FAR2: variants seen among roughly 807,000 people sequenced by gnomAD.
FAR2 encodes fatty acyl-CoA reductase 2, also known as epididymis secretory protein Li 81.
FAR2 carries 19 observed loss-of-function variants against 56.0 expected under a neutral mutation model. The ratio of observed to expected loss-of-function variants is 0.34; its 90% confidence interval spans 0.24 to 0.50. FAR2 has a LOEUF of 0.50. Among genes scored for constraint, FAR2 ranks in the 20% least tolerant of loss-of-function variants. FAR2 has a pLI of 0.98. For missense variants in FAR2, 508 were observed against 642.2 expected, an observed-to-expected ratio of 0.79 and a Z score of 2.26; for synonymous variants, 219 against 218.8, an observed-to-expected ratio of 1.00 and a Z score of -0.01.
chr12:29,157,119 T>G (rs1408401564), intron 1 of FAR2: 6 of 132,946 alleles, frequency 4.5e-5, no homozygotes, highest in Non-Finnish European at 9.5e-5. Context: ...TATATATATA[T>G]ATATATATAT....
chr12:29,155,636 T>G (rs1455462547), intron 1 of FAR2, among the ~76,000 whole-genome samples: 1 of 152,234 alleles, frequency 6.6e-6, no homozygotes, highest in East Asian at 1.9e-4. Flanking sequence ...TGGGAAAAAT[T>G]ATAGGAAATT....
At chr12:29,196,430 C>A (rs1453396489) in intron 1 of FAR2, among the ~76,000 whole-genome samples, 3 of 152,132 alleles carry the variant, frequency 2.0e-5, no homozygotes, top group Admixed American at 6.5e-5. Flanking sequence ...TTGCATTTCT[C>A]TGATAAGTAG....
chr12:29,174,423 CTTTTTTTTTT>C (rs55827253), intron 1 of FAR2, among the ~76,000 whole-genome samples: 2 of 55,434 alleles, frequency 3.6e-5, no homozygotes, highest in Non-Finnish European at 5.9e-5. Context: ...GGTTTTTATT[CTTTTTTTTTT>C]TTTTTTTTTT....
At chr12:29,277,820 C>T (rs1948724214) in intron 2 of FAR2, 1 of 151,960 alleles carries the variant, frequency 6.6e-6, no homozygotes, top group African/African-American at 2.4e-5. Context: ...CATGCCTTTG[C>T]TGCAAAATGA....
chr12:29,251,082 A>G (rs1439722133), intron 1 of FAR2, among the ~76,000 whole-genome samples: 1 of 152,224 alleles, frequency 6.6e-6, no homozygotes, highest in African/African-American at 2.4e-5. Flanking sequence ...CTAGTTGATT[A>G]GGATGTTCCT....
At chr12:29,326,009 A>ATT (rs1949638462) in intron 10 of FAR2, among the ~76,000 whole-genome samples, 1 of 152,150 alleles carries the variant, frequency 6.6e-6, no homozygotes, top group Non-Finnish European at 1.5e-5. Context: ...TGCTAGCAAG[A>ATT]CTAATAAAGA....
In FAR2 at chr12:29,218,176, A is replaced by G. The variant is rs553460556; in HGVS notation, c.-38-52236A>G. ...TCCAGACCATCCTGGCTAACACGGT[A>G]AAACCTTGTCTCTACTAAAAAATAC... On this transcript the variant is annotated intron_variant, in intron 1 of 11. Transcript: ENST00000536681. Among the ~76,000 whole-genome samples, 3 of 152,120 alleles carry G rather than the reference A, an allele frequency of 2.0e-5. No individual in the cohort carries two copies. In the East Asian group the frequency reaches 5.8e-4, roughly 29 times the overall value.
intron 4 of FAR2, 47 bp downstream of exon 4, chr12:29,297,247 C>T: frequency 6.7e-7 from 1 of 1,494,498 alleles, no homozygotes. Context: ...GAATAAGTTC[C>T]TTTGTTCTCT....
At position 29,318,991 on chromosome 12, in the gene FAR2, CTTTTTT is replaced by C. The variant is rs1447341541; in HGVS notation, c.1127+1980_1127+1985del. ...ACAAAAGTCTTTTTTTTTTCTTTTT[CTTTTTT>C]CTTTTTTTTTTGAGATGGAGTCTTG... On this transcript the variant is annotated intron_variant, in intron 9 of 11. Coordinates refer to ENST00000536681, the MANE Select transcript of FAR2 (RefSeq NM_001271783.2). Among the ~76,000 whole-genome samples, 14 of 150,470 alleles carry C rather than the reference CTTTTTT, an allele frequency of 9.3e-5. No individual in the cohort carries two copies. In the East Asian group the frequency reaches 2.7e-3, roughly 30 times the overall value.
intron 10 of FAR2, among the ~76,000 whole-genome samples, chr12:29,328,243 A>G (rs1179955493): frequency 6.6e-6 from 1 of 152,186 alleles, no homozygotes; most frequent in Non-Finnish European, 1.5e-5. Flanking sequence ...ATCATTAAAA[A>G]GTCAGGAAAC....
intron 8 of FAR2, among the ~76,000 whole-genome samples, chr12:29,313,184 C>T (rs1467305235): frequency 6.6e-6 from 1 of 152,164 alleles, no homozygotes; most frequent in Non-Finnish European, 1.5e-5. Context: ...GTTGAACATA[C>T]ATAGCCTCAG....
intron 11 of FAR2, chr12:29,333,309 CT>C (rs1247997977): frequency 3.7e-6 from 1 of 267,444 alleles, no homozygotes; most frequent in East Asian, 8.9e-5. Context: ...AATTTACCTT[CT>C]AATGAACAAG....
rs1415574331 is a variant in FAR2, at chr12:29,335,537, T to C, written c.*1743T>C. 2 of 152,226 alleles carry C rather than the reference T, an allele frequency of 1.3e-5. No individual in the cohort carries two copies. Among genetic ancestry groups the C allele is most frequent in the Non-Finnish European group, 2.9e-5 (2 of 68,040 alleles). The allele number at this position is 152,226 out of a possible 1,614,324, so 9.4% of individuals were successfully genotyped here. A position where few individuals can be genotyped will look rare whatever the true frequency, so the allele number is the denominator to read the frequency against. The stretch of plus-strand genomic sequence containing the variant: ...TTCTAAGAATTCACTTTTGATTGTA[T>C]GTTTTACCAATTCAATAATTCCACT... On this transcript the variant is annotated 3_prime_UTR_variant, in exon 12 of 12. Transcript: ENST00000536681.
At chr12:29,242,068 G>A (rs530817228) in intron 1 of FAR2, among the ~76,000 whole-genome samples, 10 of 152,290 alleles carry the variant, frequency 6.6e-5, no homozygotes, top group South Asian at 4.1e-4. Context: ...GCAAACATCC[G>A]TGTTAATGCT....
chr12:29,215,138 G>A (rs1257113846), intron 1 of FAR2, among the ~76,000 whole-genome samples: 2 of 152,152 alleles, frequency 1.3e-5, no homozygotes, highest in Admixed American at 6.5e-5. Context: ...GAGAGAAATG[G>A]ATATGTAATG....
At chr12:29,266,168 G>A (rs971478627) in intron 1 of FAR2, among the ~76,000 whole-genome samples, 4 of 152,058 alleles carry the variant, frequency 2.6e-5, no homozygotes, top group African/African-American at 4.8e-5. Context: ...TATATACCCC[G>A]ATGAAAGGAA....
intron 2 of FAR2, among the ~76,000 whole-genome samples, chr12:29,276,450 T>C (rs1221327730): frequency 6.6e-6 from 1 of 152,236 alleles, no homozygotes; most frequent in Non-Finnish European, 1.5e-5. Context: ...TTCTATCACC[T>C]GATTATTAAT....
intron 1 of FAR2, among the ~76,000 whole-genome samples, chr12:29,214,735 G>A (rs1947599674): frequency 6.6e-6 from 1 of 151,850 alleles, no homozygotes; most frequent in African/African-American, 2.4e-5. Context: ...GCAGGAGAAT[G>A]GCTTGAACCA....
At chr12:29,307,483 A>C (rs977431112) in intron 4 of FAR2, among the ~76,000 whole-genome samples, 175 bp from the exon 5 acceptor site, 1 of 152,242 alleles carries the variant, frequency 6.6e-6, no homozygotes, top group African/African-American at 2.4e-5. Context: ...AGTGAAGAGC[A>C]AAAAGCTCAT....
Sources: allele counts gnomAD v4.1 joint callset (sites outside exome capture counted in the v4.1 genomes callset), GRCh38; gene constraint gnomAD v4.1.1; transcripts MANE v1.5; gene names NCBI Gene and HGNC (gene_info 2026-07-23, HGNC 2026-07-21).